Variants in CCDC93 observed in about 807,000 individuals in gnomAD.
CCDC93 encodes the protein coiled-coil domain-containing protein 93.
CCDC93 carries 61 observed loss-of-function variants against 108.2 expected under a neutral mutation model. That is an observed-to-expected ratio of 0.56 (90% CI 0.46 to 0.70). The LOEUF (loss-of-function observed/expected upper bound fraction) is 0.70, where lower values mean the gene tolerates loss of function less well. CCDC93 is among the 30% of genes least tolerant of loss of function. CCDC93 has a pLI of 0.00. For synonymous variants in CCDC93, 276 were observed against 260.4 expected (o/e 1.06, Z -0.58); for missense variants, 685 against 764.2 (o/e 0.90, Z 1.22).
chr2:117,961,166 GTTCT>G (rs1442222591), intron 11 of CCDC93, among the ~76,000 whole-genome samples: 3 of 152,118 alleles, frequency 2.0e-5, no homozygotes, highest in Non-Finnish European at 4.4e-5. Context: ...AGAGGGAAAA[GTTCT>G]TTCTCATTCT....
intron 12 of CCDC93, among the ~76,000 whole-genome samples, chr2:117,957,606 A>G (rs369327778): frequency 7.4e-4 from 112 of 152,306 alleles, no homozygotes; most frequent in African/African-American, 2.6e-3. Flanking sequence ...AAACACGTCA[A>G]TGGCTTCTGT....
Position 117,944,010 on chromosome 2 carries a change from C to T in CCDC93, c.1413+14G>A. Reference sequence around the variant, plus strand: ...AGAAGCATTTATGCATATTTTTGTCCTTCTTTTACTCACCTGTAGTAAACG... The same window carrying T: ...AGAAGCATTTATGCATATTTTTGTCTTTCTTTTACTCACCTGTAGTAAACG... On this transcript the variant is annotated intron_variant, in intron 18 of 23. Coordinates refer to ENST00000376300, the MANE Select transcript of CCDC93 (RefSeq NM_019044.5). 2 of 1,575,546 alleles carry T rather than the reference C, an allele frequency of 1.3e-6. No individual in the cohort carries two copies. The highest frequency in any genetic ancestry group is 1.4e-5 in the African/African-American group (1 of 73,542).
chr2:117,975,867 C>T (rs1679928279), intron 8 of CCDC93, among the ~76,000 whole-genome samples: 1 of 152,148 alleles, frequency 6.6e-6, no homozygotes, highest in South Asian at 2.1e-4. Flanking sequence ...TGAAAACTGC[C>T]TTATCTAATG....
intron 22 of CCDC93, chr2:117,934,984 T>G (rs1358295105): frequency 6.6e-6 from 1 of 152,220 alleles, no homozygotes; most frequent in Non-Finnish European, 1.5e-5. Context: ...AGACTCAATT[T>G]CCTCTCAATT....
intron 7 of CCDC93, chr2:117,985,547 TG>T (rs1680291928): frequency 3.8e-6 from 1 of 265,012 alleles, no homozygotes. Context: ...AAACTAGAGA[TG>T]TTTTTAAGAA....
chr2:117,935,693 C>A (rs147558511), intron 21 of CCDC93, 114 bp from the exon 22 acceptor site: 87 of 723,340 alleles, frequency 1.2e-4, no homozygotes, highest in East Asian at 7.9e-4. Context: ...GCAATCAGGT[C>A]TTTGTAACGC....
chr2:117,987,660 C>T (rs938679654), intron 6 of CCDC93, among the ~76,000 whole-genome samples: 11 of 152,166 alleles, frequency 7.2e-5, no homozygotes, highest in African/African-American at 2.7e-4. Context: ...AGGATGCTCC[C>T]AGGGTCTCTT....
chr2:117,929,880 C>T (rs1214970357), intron 23 of CCDC93, among the ~76,000 whole-genome samples: 2 of 152,254 alleles, frequency 1.3e-5, no homozygotes, highest in Non-Finnish European at 2.9e-5. Context: ...CTAGACCACA[C>T]TACCTAAACC....
At chr2:117,921,176 C>CAAAA (rs34197714) in intron 23 of CCDC93, among the ~76,000 whole-genome samples, 1 of 76,026 alleles carries the variant, frequency 1.3e-5, no homozygotes, top group Non-Finnish European at 2.6e-5. Flanking sequence ...GGCTCTGTCT[C>CAAAA]AAAAAAAAAA....
At chr2:118,010,481 C>T (rs959816924) in intron 1 of CCDC93, among the ~76,000 whole-genome samples, 2 of 152,180 alleles carry the variant, frequency 1.3e-5, no homozygotes, top group African/African-American at 4.8e-5. Context: ...CTGAGTCCTC[C>T]CTTACCCAAC....
At chr2:117,927,221 T>G (rs569430107) in intron 23 of CCDC93, among the ~76,000 whole-genome samples, 34 of 152,126 alleles carry the variant, frequency 2.2e-4, no homozygotes, top group East Asian at 1.9e-3. Flanking sequence ...AGACAGGGAT[T>G]CCCTCTCTCA....
intron 4 of CCDC93, chr2:117,999,691 C>T (rs1471806234): frequency 6.6e-6 from 1 of 152,256 alleles, no homozygotes; most frequent in East Asian, 1.9e-4. Flanking sequence ...ACAGTATTTG[C>T]ATACAACCTA....
Position 118,013,998 on chromosome 2 carries a change from T to C in CCDC93, c.-3A>G, listed in dbSNP as rs1163466017. 1 of 1,594,086 alleles carries C rather than the reference T, an allele frequency of 6.3e-7. No homozygotes were observed. The highest frequency in any genetic ancestry group is 8.5e-7 in the Non-Finnish European group (1 of 1,171,860). On this transcript the variant is annotated 5_prime_UTR_variant, in exon 1 of 24. Coordinates refer to ENST00000376300, the MANE Select transcript of CCDC93 (RefSeq NM_019044.5). ...TCCGGCCCCCTGGGCAACCCCATGA[T>C]CCGACCGGGCTGTCGTAAGGCGAGA...
chr2:117,930,871 C>T lies in CCDC93; in HGVS notation c.1842+166G>A, dbSNP rs922822641. ...AAGATGGGCCACAGAAAAACGCAAT[C>T]TTCAGCTACCTAGACGCCACACTTC... On this transcript the variant is annotated intron_variant, in intron 23 of 23. Transcript: ENST00000376300. 19 of 527,664 alleles carry T rather than the reference C, an allele frequency of 3.6e-5. No individual in the cohort carries two copies. The African/African-American group carries it at 3.6e-4, about 10-fold the overall frequency. 32.7% of individuals were successfully genotyped at this position (527,664 alleles called of 1,614,324 possible).
At chr2:117,949,980 T>C in intron 13 of CCDC93, 1 of 985,466 alleles carries the variant, frequency 1.0e-6, no homozygotes, top group African/African-American at 1.7e-5. Context: ...CAATGAAACC[T>C]GACTCTCTTA....
At chr2:117,959,480 C>A (rs1483060121) in intron 11 of CCDC93, among the ~76,000 whole-genome samples, 3 of 152,112 alleles carry the variant, frequency 2.0e-5, no homozygotes, top group African/African-American at 7.2e-5. Flanking sequence ...TAACAGTGTC[C>A]TAGGCTTGAA....
chr2:117,952,278 A>C, intron 13 of CCDC93, 95 bp downstream of exon 13: 2 of 867,650 alleles, frequency 2.3e-6, no homozygotes, highest in Non-Finnish European at 4.0e-6. Context: ...TGTCTCCCAC[A>C]CACAGACCGA....
intron 6 of CCDC93, among the ~76,000 whole-genome samples, chr2:117,995,119 T>A (rs1268580304): frequency 6.6e-6 from 1 of 152,162 alleles, no homozygotes; most frequent in Non-Finnish European, 1.5e-5. Flanking sequence ...CAAGTTATCA[T>A]CCCCATTCAT....
intron 7 of CCDC93, among the ~76,000 whole-genome samples, chr2:117,984,657 G>T (rs1680257987): frequency 6.6e-6 from 1 of 152,156 alleles, no homozygotes; most frequent in Admixed American, 6.5e-5. Flanking sequence ...ATGGAAAAAT[G>T]GATGCATAAA....
Sources: allele counts gnomAD v4.1 joint callset (sites outside exome capture counted in the v4.1 genomes callset), GRCh38; gene constraint gnomAD v4.1.1; transcripts MANE v1.5; gene names NCBI Gene and HGNC (gene_info 2026-07-23, HGNC 2026-07-21).